CMBL: variants seen among roughly 807,000 people sequenced by gnomAD.
CMBL encodes the protein carboxymethylenebutenolidase homolog (Pseudomonas).
In CMBL, 17 loss-of-function variants were observed where a neutral mutation model predicts 28.7. The ratio of observed to expected loss-of-function variants is 0.59; its 90% confidence interval spans 0.41 to 0.89. The LOEUF is 0.89. CMBL is among the 40% of genes least tolerant of loss of function. CMBL has a pLI of 0.00. For synonymous variants in CMBL, 106 were observed against 101.6 expected, an observed-to-expected ratio of 1.04 and a Z score of -0.26; for missense variants, 310 against 298.5, an observed-to-expected ratio of 1.04 and a Z score of -0.28.
chr5:10,285,827 T>C (rs1213581127), intron 4 of CMBL, among the ~76,000 whole-genome samples: 1 of 150,176 alleles, frequency 6.7e-6, no homozygotes, highest in Non-Finnish European at 1.5e-5. Flanking sequence ...GCCTCCGGAG[T>C]AGCTAGGACT....
chr5:10,281,454 T>A (rs1046338017), intron 5 of CMBL, among the ~76,000 whole-genome samples: 101 of 152,118 alleles, frequency 6.6e-4, no homozygotes, highest in African/African-American at 2.3e-3. Context: ...TCAGCCTCAA[T>A]CAATCCTCCC....
At chr5:10,297,675 C>T (rs1423719801) in intron 1 of CMBL, among the ~76,000 whole-genome samples, 1 of 150,176 alleles carries the variant, frequency 6.7e-6, no homozygotes, top group East Asian at 2.0e-4. Context: ...CCTATTTGTA[C>T]GTGGATGAGA....
intron 1 of CMBL, among the ~76,000 whole-genome samples, chr5:10,293,069 T>C (rs990400098): frequency 5.9e-5 from 9 of 152,228 alleles, no homozygotes; most frequent in African/African-American, 2.2e-4. Flanking sequence ...GATTACCATG[T>C]TACCATGAAA....
In CMBL at chr5:10,290,690, C is replaced by A; in HGVS notation, c.73G>T (p.Val25Phe). 3 of 1,614,218 alleles carry A rather than the reference C, an allele frequency of 1.9e-6. No homozygotes were observed. The South Asian group carries it at 3.3e-5, about 18-fold the overall frequency. ...RLEYGGLGRE[V>F]QVEHIKAYVT... ...TAAGCCTTGATGTGCTCGACTTGAACTTCACGGCCTAGCCCTCCATACTCA... is the reference window on the plus strand; with the variant it reads ...TAAGCCTTGATGTGCTCGACTTGAAATTCACGGCCTAGCCCTCCATACTCA... Residue 25 changes from valine (V) to phenylalanine (F), a missense_variant, in exon 2 of 6, where the codon GTT becomes TTT. Physicochemically the swap from Val to Phe is conservative, Grantham distance 50 (BLOSUM62 -1). Coordinates refer to ENST00000296658, the MANE Select transcript of CMBL (RefSeq NM_138809.4).
intron 1 of CMBL, among the ~76,000 whole-genome samples, chr5:10,302,481 T>TAAAA (rs60080220): frequency 1.5e-5 from 2 of 135,340 alleles, no homozygotes; most frequent in African/African-American, 5.5e-5. Context: ...TTGTCTCTAC[T>TAAAA]AAAAAAAAAA....
At chr5:10,286,948 C>A (rs754182892) in intron 3 of CMBL, among the ~76,000 whole-genome samples, 1 of 152,178 alleles carries the variant, frequency 6.6e-6, no homozygotes, top group Non-Finnish European at 1.5e-5. Context: ...TATGGGCAGA[C>A]GCCCAGACAC....
intron 1 of CMBL, among the ~76,000 whole-genome samples, chr5:10,299,056 A>G (rs957475569): frequency 6.6e-6 from 1 of 152,360 alleles, no homozygotes; most frequent in East Asian, 1.9e-4. Context: ...AATTGCATTA[A>G]TAAGATAGTA....
At chr5:10,299,461 C>A (rs1445275959) in intron 1 of CMBL, among the ~76,000 whole-genome samples, 10 of 152,038 alleles carry the variant, frequency 6.6e-5, no homozygotes, top group African/African-American at 2.4e-4. Flanking sequence ...ATGATACAAA[C>A]CCTGGAAGGA....
chr5:10,302,594 TG>T (rs1746920099), intron 1 of CMBL, among the ~76,000 whole-genome samples: 1 of 150,336 alleles, frequency 6.7e-6, no homozygotes, highest in Non-Finnish European at 1.5e-5. Flanking sequence ...AGCGAGACTC[TG>T]TCTCAAAAAA....
At chr5:10,283,930 T>C (rs1254479816) in intron 4 of CMBL, among the ~76,000 whole-genome samples, 1 of 152,216 alleles carries the variant, frequency 6.6e-6, no homozygotes, top group Non-Finnish European at 1.5e-5. Context: ...AAGTTAACCA[T>C]TTTAAGATAA....
At position 10,278,449 on chromosome 5, in the gene CMBL, T is replaced by C. The variant is rs537957483; in HGVS notation, c.*2004A>G. 6.6e-6 allele frequency among the ~76,000 whole-genome samples: 1 copy of C among 152,128 alleles called. No homozygotes were observed. Among genetic ancestry groups the C allele is most frequent in the East Asian group, 1.9e-4 (1 of 5,154 alleles). ...TCCTACCCACACCGACCCCTCTCAGTCACAGCGTGAGTCCCCGGGGCTCAT... is the reference window on the plus strand; with the variant it reads ...TCCTACCCACACCGACCCCTCTCAGCCACAGCGTGAGTCCCCGGGGCTCAT... On this transcript the variant is annotated 3_prime_UTR_variant, in exon 6 of 6. Transcript: ENST00000296658.
At chr5:10,297,640 T>C (rs1484071361) in intron 1 of CMBL, among the ~76,000 whole-genome samples, 1 of 151,864 alleles carries the variant, frequency 6.6e-6, no homozygotes, top group Non-Finnish European at 1.5e-5. Context: ...TGAGCCTTTT[T>C]TTTTTAAAGT....
Position 10,278,959 on chromosome 5 carries a change from G to A in CMBL, c.*1494C>T, listed in dbSNP as rs1171527918. 2.6e-5 allele frequency among the ~76,000 whole-genome samples: 4 copies of A among 152,118 alleles called. No homozygotes were observed. Among genetic ancestry groups the A allele is most frequent in the Non-Finnish European group, 5.9e-5 (4 of 68,018 alleles). The stretch of plus-strand genomic sequence containing the variant: ...GAAACACCCACGACCACATCCCCAG[G>A]ATCCCCGTCAGGGCAGGGCTAGAGT... On this transcript the variant is annotated 3_prime_UTR_variant, in exon 6 of 6. Transcript: ENST00000296658.
intron 4 of CMBL, among the ~76,000 whole-genome samples, chr5:10,285,200 ACT>A (rs1395981849): frequency 6.7e-6 from 1 of 150,008 alleles, no homozygotes; most frequent in Non-Finnish European, 1.5e-5. Context: ...ACAGAGTCTC[ACT>A]CTGTTGCCTG....
Position 10,282,284 on chromosome 5 carries a change from A to G in CMBL, c.471T>C (p.Ile157=), listed in dbSNP as rs10067744. Residue 157 remains isoleucine, a synonymous_variant, in exon 5 of 6, where the codon ATT becomes ATC. Coordinates refer to ENST00000296658, the MANE Select transcript of CMBL (RefSeq NM_138809.4). The part of the protein sequence containing the change: ...EFRAGVSVYG[I]VKDSEDIYNL... ...TGTAAATGTCTTCAGAATCCTTGAC[A>G]ATGCCTGAAAAACAAGCACAGAGGC... 0.65 allele frequency: 1,033,650 copies of G among 1,592,462 alleles called. 351,833 individuals are homozygous for G. Among genetic ancestry groups the G allele is most frequent in the Non-Finnish European group, 0.71 (824,132 of 1,160,472 alleles).
At chr5:10,286,629 A>C in intron 3 of CMBL, 133 bp from the exon 4 acceptor site, 1 of 739,038 alleles carries the variant, frequency 1.4e-6, no homozygotes, top group South Asian at 2.2e-5. Flanking sequence ...TGGGAGCTCC[A>C]CCCTTACTAC....
Position 10,288,549 on chromosome 5 carries a change from A to C in CMBL, c.216-20T>G. On this transcript the variant is annotated intron_variant, in intron 2 of 5. Transcript: ENST00000296658. ...ATGGTTCTGCAAAATATGGACATGA[A>C]TTGATCTTAGTTTCAGAGTTGCTTG... 6.5e-7 allele frequency: 1 copy of C among 1,532,348 alleles called. No homozygotes were observed. Among genetic ancestry groups the C allele is most frequent in the Non-Finnish European group, 9.0e-7 (1 of 1,105,576 alleles). 94.9% of individuals were successfully genotyped at this position (1,532,348 alleles called of 1,614,324 possible). A position where few individuals can be genotyped will look rare whatever the true frequency, so the allele number is the denominator to read the frequency against.
chr5:10,295,163 A>G (rs1007502684), intron 1 of CMBL, among the ~76,000 whole-genome samples: 7 of 151,482 alleles, frequency 4.6e-5, no homozygotes, highest in Non-Finnish European at 8.8e-5. Context: ...GGCTCACTGC[A>G]ACCTCCACCT....
chr5:10,300,881 G>A (rs10069072), intron 1 of CMBL, among the ~76,000 whole-genome samples: 102,560 of 147,674 alleles, frequency 0.69, 36,817 homozygotes, highest in African/African-American at 0.8. Context: ...TTTAAAAATA[G>A]AAATACAAAA....
Sources: allele counts gnomAD v4.1 joint callset (sites outside exome capture counted in the v4.1 genomes callset), GRCh38; gene constraint gnomAD v4.1.1; transcripts MANE v1.5; gene names NCBI Gene and HGNC (gene_info 2026-07-23, HGNC 2026-07-21).